NKAIN3: variants seen among roughly 807,000 people sequenced by gnomAD.
NKAIN3 encodes the protein sodium/potassium transporting ATPase interacting 3, also known as sodium/potassium-transporting ATPase subunit beta-1-interacting protein 3.
NKAIN3 carries 25 observed loss-of-function variants against 30.2 expected under a neutral mutation model. The observed-to-expected ratio is 0.83, with a 90% CI of 0.60 to 1.16. The LOEUF is 1.16. Among genes scored for constraint, NKAIN3 ranks in the 50% most tolerant of loss-of-function variants. The pLI is 0.00. For missense variants in NKAIN3, 225 were observed against 254.1 expected, an observed-to-expected ratio of 0.89 and a Z score of 0.78; for synonymous variants, 91 against 89.6, an observed-to-expected ratio of 1.02 and a Z score of -0.09.
chr8:62,421,669 G>T (rs1804646248), intron 1 of NKAIN3, among the ~76,000 whole-genome samples: 1 of 150,490 alleles, frequency 6.6e-6, no homozygotes, highest in Non-Finnish European at 1.5e-5. Flanking sequence ...CCTTTCTATG[G>T]CTGTGAATGT....
intron 3 of NKAIN3, among the ~76,000 whole-genome samples, chr8:62,736,199 C>A (rs1199774715): frequency 6.6e-6 from 1 of 152,192 alleles, no homozygotes; most frequent in Non-Finnish European, 1.5e-5. Context: ...CCTAGGGTCA[C>A]CTGGATAAGT....
intron 3 of NKAIN3, among the ~76,000 whole-genome samples, chr8:62,609,172 C>CA (rs1458747827): frequency 2.0e-5 from 3 of 152,130 alleles, no homozygotes; most frequent in African/African-American, 7.2e-5. Context: ...ACTAAATCAT[C>CA]AAAAACCTTG....
rs1432888710 is a variant in NKAIN3, at chr8:62,303,739, A to T, written c.54+54612A>T. On this transcript the variant is annotated intron_variant, in intron 1 of 6. Coordinates refer to ENST00000623646, the MANE Select transcript of NKAIN3 (RefSeq NM_001304533.3). The stretch of plus-strand genomic sequence containing the variant: ...TCAAATTGTTGAGACTGTATAATTT[A>T]AAAAAGTGCATATTGAAAACATTGC... Among the ~76,000 whole-genome samples the T allele has an allele frequency of 4.0e-5, 6 of 150,662 alleles. 1 individual carries two copies. Among genetic ancestry groups the T allele is most frequent in the African/African-American group, 1.5e-4 (6 of 40,046 alleles).
At chr8:62,347,610 A>G (rs940640810) in intron 1 of NKAIN3, among the ~76,000 whole-genome samples, 8 of 152,132 alleles carry the variant, frequency 5.3e-5, no homozygotes, top group African/African-American at 1.4e-4. Flanking sequence ...ATCAAAGGAA[A>G]ATGCATAACT....
chr8:62,798,386 A>G (rs1001569889), intron 4 of NKAIN3, among the ~76,000 whole-genome samples: 2 of 152,094 alleles, frequency 1.3e-5, no homozygotes, highest in African/African-American at 4.8e-5. Context: ...CCTGGCTAAC[A>G]CGGTGAAACC....
At chr8:62,541,692 T>A (rs1808845334) in intron 1 of NKAIN3, among the ~76,000 whole-genome samples, 1 of 152,066 alleles carries the variant, frequency 6.6e-6, no homozygotes, top group Admixed American at 6.5e-5. Flanking sequence ...AAATTTATCT[T>A]ATTTTTTTCA....
chr8:62,288,218 C>G (rs1353898679), intron 1 of NKAIN3, among the ~76,000 whole-genome samples: 1 of 151,828 alleles, frequency 6.6e-6, no homozygotes, highest in Non-Finnish European at 1.5e-5. Flanking sequence ...CAGCGTTTAC[C>G]TTACATAGGC....
At chr8:62,551,905 G>T (rs963054603) in intron 1 of NKAIN3, among the ~76,000 whole-genome samples, 70 of 152,110 alleles carry the variant, frequency 4.6e-4, no homozygotes, top group African/African-American at 1.6e-3. Flanking sequence ...TTTTACTCAG[G>T]TAGAAAACTT....
At chr8:62,724,348 A>G (rs868112607) in intron 3 of NKAIN3, among the ~76,000 whole-genome samples, 4 of 152,114 alleles carry the variant, frequency 2.6e-5, no homozygotes, top group Non-Finnish European at 5.9e-5. Context: ...TAAATGAGAT[A>G]TCCATCACCT....
At chr8:62,814,475 T>G (rs1452816202) in intron 4 of NKAIN3, among the ~76,000 whole-genome samples, 2 of 152,046 alleles carry the variant, frequency 1.3e-5, no homozygotes, top group Admixed American at 1.3e-4. Context: ...GACCACATAG[T>G]TGGAAGTAAA....
At chr8:62,797,804 G>A (rs980267785) in intron 4 of NKAIN3, among the ~76,000 whole-genome samples, 5 of 152,112 alleles carry the variant, frequency 3.3e-5, no homozygotes, top group African/African-American at 1.2e-4. Context: ...TTAAGATACG[G>A]TCACAGTGGA....
intron 1 of NKAIN3, among the ~76,000 whole-genome samples, chr8:62,450,991 G>A (rs1684801138): frequency 6.6e-6 from 1 of 152,086 alleles, no homozygotes. Flanking sequence ...GGTCATACAG[G>A]TAGTACTTAT....
intron 1 of NKAIN3, among the ~76,000 whole-genome samples, chr8:62,391,277 T>G (rs1739387775): frequency 6.6e-6 from 1 of 152,198 alleles, no homozygotes; most frequent in African/African-American, 2.4e-5. Context: ...TGAATTGTTT[T>G]GTATAGCCAA....
chr8:62,257,778 AAG>A (rs1933734442), intron 1 of NKAIN3, among the ~76,000 whole-genome samples: 1 of 152,224 alleles, frequency 6.6e-6, no homozygotes, highest in Non-Finnish European at 1.5e-5. Flanking sequence ...CTGAAATAGA[AAG>A]AAGTATTTAT....
At chr8:62,891,263 T>C (rs1821288964) in intron 4 of NKAIN3, among the ~76,000 whole-genome samples, 1 of 152,214 alleles carries the variant, frequency 6.6e-6, no homozygotes, top group Non-Finnish European at 1.5e-5. Context: ...CTGAGTCTTC[T>C]GGCCTTCATC....
intron 1 of NKAIN3, among the ~76,000 whole-genome samples, chr8:62,400,163 C>CTTTTTTT (rs71255333): frequency 3.3e-5 from 4 of 122,230 alleles, no homozygotes; most frequent in Non-Finnish European, 5.2e-5. Context: ...GCTATATTTT[C>CTTTTTTT]TTTTTTTTTT....
chr8:62,615,942 G>A (rs181641976), intron 3 of NKAIN3, among the ~76,000 whole-genome samples: 34 of 152,042 alleles, frequency 2.2e-4, no homozygotes, highest in East Asian at 1.2e-3. Context: ...ATGATTGCTC[G>A]CCTGATTTTT....
intron 3 of NKAIN3, among the ~76,000 whole-genome samples, chr8:62,659,301 T>C (rs1812865698): frequency 6.6e-6 from 1 of 152,222 alleles, no homozygotes; most frequent in Non-Finnish European, 1.5e-5. Context: ...CCTCCGGCTC[T>C]AGCAATGGGA....
chr8:62,500,997 A>C (rs1780771352), intron 1 of NKAIN3, among the ~76,000 whole-genome samples: 1 of 152,168 alleles, frequency 6.6e-6, no homozygotes, highest in Non-Finnish European at 1.5e-5. Flanking sequence ...AAAATTGAGA[A>C]AATATCCATT....
Sources: gnomAD v4.1 joint callset for allele counts (sites outside exome capture counted in the v4.1 genomes callset) on GRCh38, gnomAD v4.1.1 for gene constraint, MANE v1.5 for transcripts, NCBI Gene and HGNC (gene_info 2026-07-23, HGNC 2026-07-21) for gene names.